The following CXCL13 variants were observed in gnomAD, a reference collection of about 807,000 sequenced individuals.
The protein encoded by CXCL13 is C-X-C motif chemokine ligand 13.
A neutral mutation model predicts 12.2 loss-of-function variants in CXCL13; 7 were observed. The observed-to-expected ratio is 0.57, with a 90% CI of 0.33 to 1.07. The LOEUF (loss-of-function observed/expected upper bound fraction) is 1.07, where lower values mean the gene tolerates loss of function less well. Ranked by LOEUF, CXCL13 falls within the 50% of genes least tolerant of loss-of-function variation. The probability of loss-of-function intolerance (pLI) is 0.04; values close to 1 mark genes in which losing one functional copy is unlikely to be tolerated. For missense variants in CXCL13, 113 were observed against 127.4 expected, an observed-to-expected ratio of 0.89 and a Z score of 0.55; for synonymous variants, 47 against 42.4, an observed-to-expected ratio of 1.11 and a Z score of -0.42.
rs187571649 is a variant in CXCL13, at chr4:77,545,541, C to G, written c.-43+33753C>G. Among the ~76,000 whole-genome samples, 24 of 152,244 alleles carry G rather than the reference C, an allele frequency of 1.6e-4. No homozygotes were observed. The East Asian group carries it at 2.9e-3, about 18-fold the overall frequency. On this transcript the variant is annotated intron_variant, in intron 1 of 4. Transcript: ENST00000286758. Reference sequence around the variant, plus strand: ...ATGGGAGTTCACTCACGATTTGGCTCTCTGTTTGTCTGCTATTAGTGTATA... The same window carrying G: ...ATGGGAGTTCACTCACGATTTGGCTGTCTGTTTGTCTGCTATTAGTGTATA...
At chr4:77,537,204 A>G (rs1051854808) in intron 1 of CXCL13, among the ~76,000 whole-genome samples, 3 of 152,260 alleles carry the variant, frequency 2.0e-5, no homozygotes, top group Non-Finnish European at 4.4e-5. Context: ...ACTGGCAGCT[A>G]TAAGAGTACT....
At chr4:77,527,584 A>G (rs59191280) in intron 1 of CXCL13, among the ~76,000 whole-genome samples, 1 of 152,086 alleles carries the variant, frequency 6.6e-6, no homozygotes, top group East Asian at 1.9e-4. Context: ...GTGAACCAAG[A>G]TCATGCCACT....
chr4:77,535,321 C>A (rs549046848), intron 1 of CXCL13, among the ~76,000 whole-genome samples: 15 of 152,240 alleles, frequency 9.9e-5, no homozygotes, highest in Admixed American at 8.5e-4. Flanking sequence ...TTTATAAATT[C>A]TTCAATGTAT....
intron 1 of CXCL13, among the ~76,000 whole-genome samples, chr4:77,522,093 GTTC>G (rs1012838535): frequency 1.3e-5 from 2 of 152,124 alleles, no homozygotes; most frequent in Non-Finnish European, 2.9e-5. Flanking sequence ...TGTGATTTCT[GTTC>G]TTTCACATTT....
chr4:77,558,274 C>T (rs140603099), intron 1 of CXCL13, among the ~76,000 whole-genome samples: 1 of 152,206 alleles, frequency 6.6e-6, no homozygotes, highest in African/African-American at 2.4e-5. Flanking sequence ...AGATGGGCAC[C>T]TGTTATCTTG....
chr4:77,592,722 T>C (rs921662126), intron 1 of CXCL13, among the ~76,000 whole-genome samples: 1 of 152,136 alleles, frequency 6.6e-6, no homozygotes, highest in African/African-American at 2.4e-5. Context: ...CATGCCAAGA[T>C]CATGCCACAG....
chr4:77,593,268 CAAATT>C, intron 1 of CXCL13, among the ~76,000 whole-genome samples: 1 of 152,326 alleles, frequency 6.6e-6, no homozygotes, highest in Middle Eastern at 3.4e-3. Flanking sequence ...TTTCTAACCT[CAAATT>C]AAACATTTTA....
At chr4:77,539,476 G>A (rs1725149428) in intron 1 of CXCL13, among the ~76,000 whole-genome samples, 2 of 152,094 alleles carry the variant, frequency 1.3e-5, no homozygotes, top group African/African-American at 4.8e-5. Flanking sequence ...TACTTCCAAG[G>A]TCCTGCATCC....
At chr4:77,545,638 A>G (rs1420622655) in intron 1 of CXCL13, among the ~76,000 whole-genome samples, 1 of 152,166 alleles carries the variant, frequency 6.6e-6, no homozygotes, top group African/African-American at 2.4e-5. Flanking sequence ...CAGCTTAAGG[A>G]GATTTTGGGC....
chr4:77,518,720 C>T (rs900348441), intron 1 of CXCL13, among the ~76,000 whole-genome samples: 1 of 152,124 alleles, frequency 6.6e-6, no homozygotes, highest in African/African-American at 2.4e-5. Flanking sequence ...AAGTTTTTAA[C>T]TTCTTTGCCT....
chr4:77,516,823 T>A (rs553338397), intron 1 of CXCL13, among the ~76,000 whole-genome samples: 1 of 152,210 alleles, frequency 6.6e-6, no homozygotes, highest in Non-Finnish European at 1.5e-5. Context: ...TCTGCTCTGA[T>A]CTTAGTTATT....
chr4:77,563,429 C>T (rs865933746), intron 1 of CXCL13, among the ~76,000 whole-genome samples: 2 of 152,254 alleles, frequency 1.3e-5, no homozygotes, highest in Middle Eastern at 3.4e-3. Context: ...AATAATGCAC[C>T]TTTTATTAAT....
At chr4:77,561,526 A>G (rs1034958342) in intron 1 of CXCL13, among the ~76,000 whole-genome samples, 5 of 152,242 alleles carry the variant, frequency 3.3e-5, no homozygotes, top group South Asian at 2.1e-4. Context: ...CTTAGCCAAG[A>G]TCGTTCTGCT....
chr4:77,524,433 C>A (rs572795190), intron 1 of CXCL13, among the ~76,000 whole-genome samples: 50 of 152,316 alleles, frequency 3.3e-4, no homozygotes, highest in African/African-American at 9.6e-4. Flanking sequence ...CAAGCCTCAG[C>A]AATGGCAGAT....
At chr4:77,539,395 G>C (rs1169454641) in intron 1 of CXCL13, among the ~76,000 whole-genome samples, 52 of 152,176 alleles carry the variant, frequency 3.4e-4, no homozygotes, top group Non-Finnish European at 1.5e-5. Flanking sequence ...CCAAAGTGCT[G>C]GGATCACAAG....
At chr4:77,586,831 A>G (rs1030258716) in intron 1 of CXCL13, among the ~76,000 whole-genome samples, 1 of 152,214 alleles carries the variant, frequency 6.6e-6, no homozygotes, top group Non-Finnish European at 1.5e-5. Flanking sequence ...AGCAAAGGTT[A>G]AAGTCCAGAG....
rs182883109 is a variant in CXCL13 at position 77,557,994 on chromosome 4, A to G, written c.-43+46206A>G. On this transcript the variant is annotated intron_variant, in intron 1 of 4. Coordinates refer to the CXCL13 transcript ENST00000286758. Reference sequence around the variant, plus strand: ...GCCATCTTAGGGGTGTGTTTGCACCATCTCTTTGTGTCCTTGCTAGAATTT... The same window carrying G: ...GCCATCTTAGGGGTGTGTTTGCACCGTCTCTTTGTGTCCTTGCTAGAATTT... Among the ~76,000 whole-genome samples the G allele has an allele frequency of 4.2e-4, 64 of 152,294 alleles. 1 individual carries two copies. The East Asian group carries it at 0.011, about 27-fold the overall frequency.
intron 1 of CXCL13, among the ~76,000 whole-genome samples, chr4:77,571,514 T>C (rs1035801640): frequency 1.6e-4 from 25 of 151,858 alleles, no homozygotes; most frequent in Admixed American, 3.9e-4. Flanking sequence ...CAATCGACAC[T>C]CTGTATCTAG....
chr4:77,528,871 G>A (rs1313628003), intron 1 of CXCL13, among the ~76,000 whole-genome samples: 1 of 152,156 alleles, frequency 6.6e-6, no homozygotes, highest in African/African-American at 2.4e-5. Context: ...TGTCCTAAAT[G>A]GTATTGCCTA....
Sources: gnomAD v4.1 joint callset for allele counts (sites outside exome capture counted in the v4.1 genomes callset) on GRCh38, gnomAD v4.1.1 for gene constraint, MANE v1.5 for transcripts, NCBI Gene and HGNC (gene_info 2026-07-23, HGNC 2026-07-21) for gene names.